RIMKLA: variants seen among roughly 807,000 people sequenced by gnomAD.
RIMKLA encodes the protein N-acetylaspartylglutamate synthase A.
A neutral mutation model predicts 32.7 loss-of-function variants in RIMKLA; 14 were observed. The observed-to-expected ratio is 0.43, with a 90% CI of 0.28 to 0.67. The LOEUF (loss-of-function observed/expected upper bound fraction) is 0.67. Ranked by LOEUF, RIMKLA falls within the 30% of genes least tolerant of loss-of-function variation. RIMKLA has a pLI of 0.18. For synonymous variants in RIMKLA, 176 were observed against 204.1 expected, an observed-to-expected ratio of 0.86 and a Z score of 1.18; for missense variants, 410 against 519.0, an observed-to-expected ratio of 0.79 and a Z score of 2.04.
chr1:42,390,817 C>G (rs910510139), intron 1 of RIMKLA, among the ~76,000 whole-genome samples: 1 of 152,036 alleles, frequency 6.6e-6, no homozygotes, highest in African/African-American at 2.4e-5. Flanking sequence ...TCCCTAGGTA[C>G]GTTTCATTAC....
chr1:42,390,543 G>A (rs1416678247), intron 1 of RIMKLA, among the ~76,000 whole-genome samples: 2 of 152,208 alleles, frequency 1.3e-5, no homozygotes, highest in African/African-American at 4.8e-5. Context: ...GCTGTTACAA[G>A]AGCAGAGAAG....
At chr1:42,391,197 G>A (rs1642997066) in intron 1 of RIMKLA, among the ~76,000 whole-genome samples, 1 of 152,180 alleles carries the variant, frequency 6.6e-6, no homozygotes. Flanking sequence ...AGAAAAGGAG[G>A]TCAAGACATT....
At chr1:42,402,363 T>C (rs1427977322) in intron 2 of RIMKLA, among the ~76,000 whole-genome samples, 1 of 152,108 alleles carries the variant, frequency 6.6e-6, no homozygotes, top group Non-Finnish European at 1.5e-5. Context: ...GGCCCAATGT[T>C]GTATATGTCC....
At chr1:42,402,208 C>A (rs889426444) in intron 2 of RIMKLA, among the ~76,000 whole-genome samples, 2 of 152,122 alleles carry the variant, frequency 1.3e-5, no homozygotes, top group African/African-American at 4.8e-5. Context: ...AATGCCACTC[C>A]CCCACCCTGA....
intron 1 of RIMKLA, among the ~76,000 whole-genome samples, chr1:42,398,643 G>A (rs1643067639): frequency 6.6e-6 from 1 of 151,986 alleles, no homozygotes; most frequent in African/African-American, 2.4e-5. Context: ...ACTTAACATT[G>A]ACATTTGTGC....
chr1:42,399,566 TCAA>T lies in RIMKLA; in HGVS notation c.330_332del (p.Asn110del). 2 of 1,613,474 alleles carry T rather than the reference TCAA, an allele frequency of 1.2e-6. No homozygotes were observed. The highest frequency in any genetic ancestry group is 1.7e-6 in the Non-Finnish European group (2 of 1,179,806). ...CGCCCACAGAGCATCTTAAATTGCATCAACAAATTCTGGACGTTCCAAGAACTG... is the reference window on the plus strand; with the variant it reads ...CGCCCACAGAGCATCTTAAATTGCATCAAATTCTGGACGTTCCAAGAACTG... On this transcript the variant is annotated inframe_deletion, in exon 2 of 5. Coordinates refer to ENST00000431473, the MANE Select transcript of RIMKLA (RefSeq NM_173642.4).
At chr1:42,413,148 A>G (rs981659868) in intron 4 of RIMKLA, among the ~76,000 whole-genome samples, 22 of 151,936 alleles carry the variant, frequency 1.4e-4, no homozygotes, top group Admixed American at 6.6e-5. Flanking sequence ...AAATAAATAA[A>G]TAAATAAGTT....
chr1:42,418,494 T>G lies in RIMKLA; in HGVS notation c.*3520T>G, dbSNP rs1455793169. Reference sequence around the variant, plus strand: ...GAAAAGGGAAAGGTCTGGAATAGTTTTGTGAAAGAAATAAAAAATTGGGAT... The same window carrying G: ...GAAAAGGGAAAGGTCTGGAATAGTTGTGTGAAAGAAATAAAAAATTGGGAT... On this transcript the variant is annotated 3_prime_UTR_variant, in exon 5 of 5. Transcript: ENST00000431473. 1 of 152,152 alleles carries G rather than the reference T, an allele frequency of 6.6e-6. No individual in the cohort carries two copies. Among genetic ancestry groups the G allele is most frequent in the East Asian group, 1.9e-4 (1 of 5,192 alleles). The allele number at this position is 152,152 out of a possible 1,614,324, so 9.4% of individuals were successfully genotyped here.
At chr1:42,400,988 G>C (rs1643092121) in intron 2 of RIMKLA, among the ~76,000 whole-genome samples, 1 of 152,090 alleles carries the variant, frequency 6.6e-6, no homozygotes, top group Admixed American at 6.6e-5. Context: ...CTTTCGGGCA[G>C]TGGTCCCCAA....
chr1:42,382,454 G>T (rs932926399), intron 1 of RIMKLA, among the ~76,000 whole-genome samples: 12 of 152,294 alleles, frequency 7.9e-5, no homozygotes, highest in African/African-American at 2.9e-4. Flanking sequence ...CTTATTTATA[G>T]AAACTAGGGG....
At chr1:42,385,326 A>C (rs1351862161) in intron 1 of RIMKLA, among the ~76,000 whole-genome samples, 1 of 152,150 alleles carries the variant, frequency 6.6e-6, no homozygotes, top group Non-Finnish European at 1.5e-5. Flanking sequence ...TTGCCCACCC[A>C]CAGGTCTGTA....
At chr1:42,392,969 A>G (rs113179509) in intron 1 of RIMKLA, among the ~76,000 whole-genome samples, 23,045 of 152,070 alleles carry the variant, frequency 0.15, 1,858 homozygotes, top group East Asian at 0.26. Flanking sequence ...TCCAGCCTGG[A>G]TGACAGAGCA....
chr1:42,402,093 G>A (rs560367999), intron 2 of RIMKLA, among the ~76,000 whole-genome samples: 6 of 152,098 alleles, frequency 3.9e-5, no homozygotes, highest in African/African-American at 4.8e-5. Context: ...CCCTAATTAC[G>A]TTCACGGCCT....
rs1047017731 is a variant in RIMKLA, at chr1:42,417,952, A to C, written c.*2978A>C. 6.6e-6 allele frequency: 1 copy of C among 151,708 alleles called. No homozygotes were observed. Among genetic ancestry groups the C allele is most frequent in the East Asian group, 1.9e-4 (1 of 5,158 alleles). The allele number at this position is 151,708 out of a possible 1,614,324, so 9.4% of individuals were successfully genotyped here. ...CTCCGTCTCAAAAAAAAAAAAAAAA[A>C]GCCACACATTCTTGGCATTAGCACA... On this transcript the variant is annotated 3_prime_UTR_variant, in exon 5 of 5. Transcript: ENST00000431473.
chr1:42,398,592 G>C (rs1643067245), intron 1 of RIMKLA, among the ~76,000 whole-genome samples: 1 of 152,194 alleles, frequency 6.6e-6, no homozygotes, highest in East Asian at 1.9e-4. Flanking sequence ...ATATAGTGGA[G>C]ATCATAATGC....
chr1:42,405,734 G>T (rs1488832889), intron 3 of RIMKLA, among the ~76,000 whole-genome samples: 2 of 152,194 alleles, frequency 1.3e-5, no homozygotes, highest in Non-Finnish European at 2.9e-5. Flanking sequence ...ATTGCAGGGT[G>T]ATCATCACTG....
At chr1:42,388,514 C>CTT (rs1642969722) in intron 1 of RIMKLA, among the ~76,000 whole-genome samples, 1 of 108,502 alleles carries the variant, frequency 9.2e-6, no homozygotes. Flanking sequence ...CCACTGAAAG[C>CTT]TTGTTTTTTT....
At chr1:42,404,913 C>T (rs1408902285) in intron 3 of RIMKLA, among the ~76,000 whole-genome samples, 1 of 152,064 alleles carries the variant, frequency 6.6e-6, no homozygotes, top group Non-Finnish European at 1.5e-5. Context: ...ACTGAAAAAC[C>T]CTCCCAAGAC....
chr1:42,404,602 G>T lies in RIMKLA; in HGVS notation c.481+5G>T. ...AGAGCACACGAGGCCACCGGGGTCAGTGCCACCTCTCCAGGGCTTCCTGGG... is the reference window on the plus strand; with the variant it reads ...AGAGCACACGAGGCCACCGGGGTCATTGCCACCTCTCCAGGGCTTCCTGGG... On this transcript the variant is annotated splice_donor_5th_base_variant and intron_variant, in intron 3 of 4. Coordinates refer to ENST00000431473, the MANE Select transcript of RIMKLA (RefSeq NM_173642.4). 6.3e-7 allele frequency: 1 copy of T among 1,596,232 alleles called. No homozygotes were observed.
Sources: allele counts gnomAD v4.1 joint callset (sites outside exome capture counted in the v4.1 genomes callset), GRCh38; gene constraint gnomAD v4.1.1; transcripts MANE v1.5; gene names NCBI Gene and HGNC (gene_info 2026-07-23, HGNC 2026-07-21).